The following LIPA variants were observed in gnomAD, a reference collection of about 807,000 sequenced individuals.
The protein encoded by LIPA is lipase A, lysosomal acid type, also known as lysosomal acid lipase/cholesteryl ester hydrolase.
A neutral mutation model predicts 40.6 loss-of-function variants in LIPA; 26 were observed. That is an observed-to-expected ratio of 0.64 (90% CI 0.47 to 0.89). LIPA has a LOEUF of 0.89. LIPA is among the 40% of genes least tolerant of loss of function. The probability of loss-of-function intolerance (pLI) is 0.00; values close to 1 mark genes in which losing one functional copy is unlikely to be tolerated. For missense variants in LIPA, 455 were observed against 479.6 expected, an observed-to-expected ratio of 0.95 and a Z score of 0.48; for synonymous variants, 188 against 168.4, an observed-to-expected ratio of 1.12 and a Z score of -0.90.
chr10:89,349,541 T>C (rs995488781), intron 2 of LIPA, among the ~76,000 whole-genome samples: 1 of 152,156 alleles, frequency 6.6e-6, no homozygotes, highest in Non-Finnish European at 1.5e-5. Flanking sequence ...AAGGTGTGTG[T>C]GTGTGTTAGG....
At chr10:89,307,458 T>C in intron 1 of LIPA, 1 of 1,103,376 alleles carries the variant, frequency 9.1e-7, no homozygotes, top group Admixed American at 2.3e-5. Context: ...AAATATGTAA[T>C]GACTGGTATG....
chr10:89,321,109 A>G (rs1843569502), intron 1 of LIPA, among the ~76,000 whole-genome samples: 1 of 152,094 alleles, frequency 6.6e-6, no homozygotes, highest in African/African-American at 2.4e-5. Flanking sequence ...TAAAACCATA[A>G]AAACCCTAGA....
At chr10:89,243,729 A>C (rs535929093) in intron 3 of LIPA, among the ~76,000 whole-genome samples, 3 of 152,160 alleles carry the variant, frequency 2.0e-5, no homozygotes, top group African/African-American at 7.2e-5. Context: ...ATTCCAGGGC[A>C]CTGCACCTTC....
At chr10:89,330,600 T>G (rs1795340737) in intron 1 of LIPA, among the ~76,000 whole-genome samples, 1 of 152,202 alleles carries the variant, frequency 6.6e-6, no homozygotes, top group South Asian at 2.1e-4. Flanking sequence ...GGCATAATTT[T>G]CTATCATTTG....
At chr10:89,334,394 T>G (rs1843696697) in intron 1 of LIPA, among the ~76,000 whole-genome samples, 1 of 151,600 alleles carries the variant, frequency 6.6e-6, no homozygotes, top group Admixed American at 6.6e-5. Context: ...TTCTACTAGA[T>G]GCAGATCCAG....
chr10:89,302,938 T>C (rs1270998216), intron 1 of LIPA, among the ~76,000 whole-genome samples: 1 of 151,942 alleles, frequency 6.6e-6, no homozygotes, highest in Non-Finnish European at 1.5e-5. Context: ...TTGCCCTCTG[T>C]CTGTGAGGTT....
At position 89,336,647 on chromosome 10, in the gene LIPA, T is replaced by G. The variant is rs59360847; in HGVS notation, c.-2+5964A>C. 9.1e-3 allele frequency among the ~76,000 whole-genome samples: 1,385 copies of G among 152,356 alleles called. 20 individuals are homozygous for G. Among genetic ancestry groups the G allele is most frequent in the African/African-American group, 0.032 (1,329 of 41,578 alleles). On this transcript the variant is annotated intron_variant, in intron 1 of 5. Coordinates refer to the LIPA transcript ENST00000282673. Reference sequence around the variant, plus strand: ...GTTTATTCTGAGATTACTTTTTCAGTGGCAAGGAAAATTCTTTCTTTTCTA... The same window carrying G: ...GTTTATTCTGAGATTACTTTTTCAGGGGCAAGGAAAATTCTTTCTTTTCTA...
chr10:89,227,734 G>A (rs950479252), intron 4 of LIPA, among the ~76,000 whole-genome samples: 1 of 152,194 alleles, frequency 6.6e-6, no homozygotes, highest in African/African-American at 2.4e-5. Context: ...ACCTTATGAG[G>A]TAGGTGTTTA....
chr10:89,392,025 T>C (rs1250056438), intron 2 of LIPA, among the ~76,000 whole-genome samples: 3 of 152,138 alleles, frequency 2.0e-5, no homozygotes, highest in Middle Eastern at 3.2e-3. Flanking sequence ...TTTCAAACCA[T>C]ACCTCCTTGC....
chr10:89,382,898 T>A (rs1811673348), intron 2 of LIPA, among the ~76,000 whole-genome samples: 2 of 152,340 alleles, frequency 1.3e-5, no homozygotes, highest in South Asian at 4.1e-4. Context: ...GTTTACGTGT[T>A]GAGAACATGA....
chr10:89,273,057 G>A (rs908538135), intron 1 of LIPA, among the ~76,000 whole-genome samples: 1 of 152,124 alleles, frequency 6.6e-6, no homozygotes, highest in African/African-American at 2.4e-5. Flanking sequence ...TCTGAAGATA[G>A]GTAAAAGAAA....
chr10:89,287,493 A>T (rs146994815), intron 1 of LIPA, among the ~76,000 whole-genome samples: 1 of 151,972 alleles, frequency 6.6e-6, no homozygotes, highest in Non-Finnish European at 1.5e-5. Context: ...TTCCCTGACT[A>T]TTCCTAAACT....
intron 2 of LIPA, among the ~76,000 whole-genome samples, chr10:89,379,799 C>T (rs1301958444): frequency 2.6e-5 from 4 of 152,056 alleles, no homozygotes; most frequent in Non-Finnish European, 5.9e-5. Context: ...CTTTGGGAGG[C>T]CGAGATGGGC....
intron 3 of LIPA, among the ~76,000 whole-genome samples, chr10:89,235,669 A>G (rs1842896536): frequency 6.6e-6 from 1 of 152,172 alleles, no homozygotes; most frequent in Non-Finnish European, 1.5e-5. Context: ...ACTCCGTCAC[A>G]CTCCAAAACA....
At chr10:89,334,096 C>A (rs1843692687) in intron 1 of LIPA, among the ~76,000 whole-genome samples, 1 of 152,144 alleles carries the variant, frequency 6.6e-6, no homozygotes, top group Admixed American at 6.5e-5. Context: ...GTGGGGAAAT[C>A]CCCACTCTTA....
rs910289932 is a variant in LIPA, at chr10:89,399,558, A to C, written c.61+13233T>G. ...TGAGTTAATTTTTGTATATGGCATA[A>C]AGTAAGGGTCCAACTTTACCCTTTT... On this transcript the variant is annotated intron_variant, in intron 2 of 8. Transcript: ENST00000371837. Among the ~76,000 whole-genome samples the C allele has an allele frequency of 3.3e-5, 5 of 152,150 alleles. No individual in the cohort carries two copies. The South Asian group carries it at 1.0e-3, about 32-fold the overall frequency.
intron 2 of LIPA, chr10:89,378,196 ACTTTC>A: frequency 6.2e-7 from 1 of 1,604,852 alleles, no homozygotes; most frequent in Non-Finnish European, 8.5e-7. Context: ...AAATTCTAAA[ACTTTC>A]CTTAAGGGCC....
At chr10:89,225,567 T>C (rs1031032596) in intron 5 of LIPA, among the ~76,000 whole-genome samples, 1 of 152,176 alleles carries the variant, frequency 6.6e-6, no homozygotes, top group Non-Finnish European at 1.5e-5. Flanking sequence ...CCTCACCCCA[T>C]CACCTTTATC....
At chr10:89,398,939 C>A (rs1301808836) in intron 2 of LIPA, among the ~76,000 whole-genome samples, 1 of 152,158 alleles carries the variant, frequency 6.6e-6, no homozygotes, top group South Asian at 2.1e-4. Flanking sequence ...GTTAATTTTT[C>A]TGAGGAATTA....
Sources: gnomAD v4.1 joint callset for allele counts (sites outside exome capture counted in the v4.1 genomes callset) on GRCh38, gnomAD v4.1.1 for gene constraint, MANE v1.5 for transcripts, NCBI Gene and HGNC (gene_info 2026-07-23, HGNC 2026-07-21) for gene names.